TRABD2A: variants seen among roughly 807,000 people sequenced by gnomAD.
The protein encoded by TRABD2A is metalloprotease TIKI1.
A neutral mutation model predicts 45.6 loss-of-function variants in TRABD2A; 43 were observed. That is an observed-to-expected ratio of 0.94 (90% CI 0.74 to 1.22). The LOEUF (loss-of-function observed/expected upper bound fraction) is 1.22. TRABD2A is among the 50% of genes most tolerant of loss of function. TRABD2A has a pLI of 0.00. For synonymous variants in TRABD2A, 269 were observed against 265.0 expected, an observed-to-expected ratio of 1.02 and a Z score of -0.15; for missense variants, 642 against 652.4, an observed-to-expected ratio of 0.98 and a Z score of 0.17.
Position 84,870,130 on chromosome 2 carries a change from A to C in TRABD2A, c.669+95T>G, listed in dbSNP as rs1682823049. The C allele has an allele frequency of 3.2e-6, 4 of 1,251,962 alleles. No homozygotes were observed. In the East Asian group the frequency reaches 9.4e-5, roughly 29 times the overall value. The allele number at this position is 1,251,962 out of a possible 1,614,324, so 77.6% of individuals were successfully genotyped here. A position where few individuals can be genotyped will look rare whatever the true frequency, so the allele number is the denominator to read the frequency against. On this transcript the variant is annotated intron_variant, in intron 2 of 6. Coordinates refer to ENST00000409520, the MANE Select transcript of TRABD2A (RefSeq NM_001277053.2). ...TTTTAAGCAAAGACAATTTCTAGAC[A>C]AGCTGTGCCCGTGATCCATCACCTG... is the stretch of plus-strand genomic sequence containing the variant.
At chr2:84,875,902 A>T (rs1683011268) in intron 1 of TRABD2A, among the ~76,000 whole-genome samples, 1 of 151,972 alleles carries the variant, frequency 6.6e-6, no homozygotes, top group Non-Finnish European at 1.5e-5. Flanking sequence ...TTGAGGTAGG[A>T]AGATGGTTTG....
intron 2 of TRABD2A, among the ~76,000 whole-genome samples, chr2:84,853,630 A>G (rs914424268): frequency 6.6e-6 from 1 of 152,196 alleles, no homozygotes; most frequent in Non-Finnish European, 1.5e-5. Flanking sequence ...GGCTCCTACA[A>G]GACAAGAAAC....
At chr2:84,847,503 AC>A (rs1460756608) in intron 2 of TRABD2A, among the ~76,000 whole-genome samples, 2 of 152,210 alleles carry the variant, frequency 1.3e-5, no homozygotes, top group African/African-American at 4.8e-5. Context: ...AATCAGCTGA[AC>A]ACACCTGGGG....
chr2:84,850,378 C>T (rs933086930), intron 2 of TRABD2A, among the ~76,000 whole-genome samples: 6 of 151,810 alleles, frequency 4.0e-5, no homozygotes, highest in African/African-American at 7.3e-5. Flanking sequence ...CCACAGAGTC[C>T]GCCTGTCCTC....
intron 2 of TRABD2A, chr2:84,843,476 C>A (rs1478784): frequency 0.24 from 35,750 of 152,084 alleles, 4,274 homozygotes; most frequent in Middle Eastern, 0.28. Context: ...GTGGCACAGG[C>A]CCACTGCGTA....
At chr2:84,833,607 T>G (rs1681409166) in intron 4 of TRABD2A, 1 of 152,076 alleles carries the variant, frequency 6.6e-6, no homozygotes, top group African/African-American at 2.4e-5. Context: ...CCACACAGCT[T>G]TTAAGTTTTA....
intron 5 of TRABD2A, 29 bp from the exon 6 acceptor site, chr2:84,824,233 T>TGGAGGA: frequency 6.2e-7 from 1 of 1,612,736 alleles, no homozygotes; most frequent in Non-Finnish European, 8.5e-7. Context: ...AGAAGGTATT[T>TGGAGGA]GGAGGAGGGT....
intron 5 of TRABD2A, among the ~76,000 whole-genome samples, chr2:84,829,251 G>A (rs894534326): frequency 6.6e-6 from 1 of 151,944 alleles, no homozygotes; most frequent in African/African-American, 2.4e-5. Flanking sequence ...AGCCTTCACT[G>A]GGCATCGGAA....
At chr2:84,841,269 G>A (rs1159484207) in intron 3 of TRABD2A, among the ~76,000 whole-genome samples, 1 of 152,188 alleles carries the variant, frequency 6.6e-6, no homozygotes, top group Non-Finnish European at 1.5e-5. Flanking sequence ...ATCTTCTGAG[G>A]CTGAGCAGCT....
At chr2:84,823,604 C>T (rs1431486353) in intron 6 of TRABD2A, among the ~76,000 whole-genome samples, 1 of 152,182 alleles carries the variant, frequency 6.6e-6, no homozygotes, top group African/African-American at 2.4e-5. Flanking sequence ...CTGCTTCCAG[C>T]TCTGCAAGTC....
intron 2 of TRABD2A, among the ~76,000 whole-genome samples, chr2:84,854,556 C>G (rs1410836937): frequency 6.6e-6 from 1 of 152,182 alleles, no homozygotes; most frequent in Non-Finnish European, 1.5e-5. Context: ...GGATTCAAAC[C>G]CAGATCCACG....
At chr2:84,866,733 T>C (rs1017035569) in intron 2 of TRABD2A, among the ~76,000 whole-genome samples, 12 of 152,072 alleles carry the variant, frequency 7.9e-5, no homozygotes, top group Non-Finnish European at 1.6e-4. Context: ...CAAGTATTAT[T>C]ATCCCCATTG....
At chr2:84,878,604 C>G (rs1225593613) in intron 1 of TRABD2A, among the ~76,000 whole-genome samples, 1 of 151,990 alleles carries the variant, frequency 6.6e-6, no homozygotes, top group Admixed American at 6.6e-5. Flanking sequence ...GAGACTCAAC[C>G]TGCGTGGTGC....
Position 84,824,202 on chromosome 2 carries a change from C to T in TRABD2A, c.1085G>A (p.Gly362Glu), listed in dbSNP as rs770941195. Residue 362 changes from glycine to glutamate, a missense_variant and splice_region_variant, in exon 6 of 7, where the codon GGG (glycine) becomes GAG (glutamate). Physicochemically the swap from Gly to Glu is moderately conservative, Grantham distance 98. Coordinates refer to ENST00000409520, the MANE Select transcript of TRABD2A (RefSeq NM_001277053.2). Reference protein sequence around the residue: ...HAPAGRPIHKGKSKKTSTRPT... With the variant: ...HAPAGRPIHKEKSKKTSTRPT... ...CCGTGTGGAGGTCTTTTTACTCTTC[C>T]CTCTGTACGCAAGTGGAAGGAGAAG... 22 of 1,613,838 alleles carry T rather than the reference C, an allele frequency of 1.4e-5. 1 individual carries two copies. The South Asian group carries it at 2.3e-4, about 17-fold the overall frequency.
intron 1 of TRABD2A, among the ~76,000 whole-genome samples, chr2:84,873,628 G>A (rs1029308117): frequency 6.6e-6 from 1 of 152,156 alleles, no homozygotes; most frequent in Admixed American, 6.5e-5. Context: ...TCTCACTGTT[G>A]GTTAGAATTA....
chr2:84,864,869 G>A (rs1053708593), intron 2 of TRABD2A, among the ~76,000 whole-genome samples: 3 of 152,122 alleles, frequency 2.0e-5, no homozygotes, highest in African/African-American at 7.2e-5. Flanking sequence ...TCCTCCACAG[G>A]AGTCTTCCTC....
chr2:84,860,447 G>C (rs962665598), intron 2 of TRABD2A, among the ~76,000 whole-genome samples: 1 of 152,236 alleles, frequency 6.6e-6, no homozygotes, highest in African/African-American at 2.4e-5. Context: ...AAGTCAAGGA[G>C]AGAGGCCTTG....
chr2:84,834,209 G>A (rs1170719074), intron 4 of TRABD2A: 1 of 152,134 alleles, frequency 6.6e-6, no homozygotes, highest in Non-Finnish European at 1.5e-5. Flanking sequence ...TGAGGCCCAG[G>A]CTAACAGCTT....
At chr2:84,853,676 G>T (rs943780388) in intron 2 of TRABD2A, among the ~76,000 whole-genome samples, 33 of 152,294 alleles carry the variant, frequency 2.2e-4, no homozygotes, top group African/African-American at 7.0e-4. Context: ...AAGCTGGAAG[G>T]GGGGATTCTC....
Sources: gnomAD v4.1 joint callset for allele counts (sites outside exome capture counted in the v4.1 genomes callset) on GRCh38, gnomAD v4.1.1 for gene constraint, MANE v1.5 for transcripts, NCBI Gene and HGNC (gene_info 2026-07-23, HGNC 2026-07-21) for gene names.